The following TPM4 variants were observed in gnomAD, a reference collection of about 807,000 sequenced individuals.
TPM4 encodes tropomyosin 4, also known as tropomyosin alpha-4 chain.
Under a neutral mutation model 35.8 loss-of-function variants are expected in TPM4, and 17 were observed. The observed-to-expected ratio is 0.47, with a 90% CI of 0.32 to 0.71. The LOEUF is 0.71. Among genes scored for constraint, TPM4 ranks in the 30% least tolerant of loss-of-function variants. The pLI is 0.03. For synonymous variants in TPM4, 120 were observed against 122.9 expected (o/e 0.98, Z 0.15); for missense variants, 240 against 320.9 (o/e 0.75, Z 1.93).
chr19:16,081,683 C>G, intron 1 of TPM4: 1 of 368,258 alleles, frequency 2.7e-6, no homozygotes, highest in Non-Finnish European at 4.7e-6. Context: ...CATGAGCCAC[C>G]ACGCTTGGCG....
chr19:16,092,561 G>A (rs1337054652), intron 5 of TPM4, among the ~76,000 whole-genome samples: 5 of 149,976 alleles, frequency 3.3e-5, no homozygotes, highest in African/African-American at 9.8e-5. Flanking sequence ...TTGAGATGGA[G>A]TCTCACTCCA....
chr19:16,078,404 A>T (rs759011235), intron 1 of TPM4, among the ~76,000 whole-genome samples: 1 of 152,204 alleles, frequency 6.6e-6, no homozygotes, highest in Non-Finnish European at 1.5e-5. Context: ...ATGCCCAGCC[A>T]GATGGAATTG....
At chr19:16,084,973 T>C (rs2090530152) in intron 2 of TPM4, among the ~76,000 whole-genome samples, 1 of 152,148 alleles carries the variant, frequency 6.6e-6, no homozygotes, top group Non-Finnish European at 1.5e-5. Context: ...ACACAAGGTC[T>C]TGGCAGGGTG....
Position 16,088,053 on chromosome 19 carries a change from G to T in TPM4, c.411G>T (p.Glu137Asp). 1.2e-6 allele frequency: 2 copies of T among 1,612,610 alleles called. No homozygotes were observed. Among genetic ancestry groups the T allele is most frequent in the Non-Finnish European group, 1.7e-6 (2 of 1,179,624 alleles). ...EEVARKLVIL[E>D]GELERAEERA... ...TAGCTCGTAAGCTGGTCATCCTGGA[G>T]GGTGAGCTGGAGAGGGCAGAGGAGC... Residue 137 changes from glutamate to aspartate, a missense_variant, in exon 4 of 8, where the codon GAG (glutamate) becomes GAT (aspartate). Coordinates refer to ENST00000643579, the MANE Select transcript of TPM4 (RefSeq NM_003290.3).
At chr19:16,098,418 G>T (rs935393262) in intron 7 of TPM4, among the ~76,000 whole-genome samples, 36 of 152,002 alleles carry the variant, frequency 2.4e-4, no homozygotes, top group African/African-American at 8.7e-4. Context: ...TTGTACTCCA[G>T]CCTGGGCGAC....
chr19:16,098,966 G>A (rs1018367824), intron 7 of TPM4, among the ~76,000 whole-genome samples: 4 of 152,086 alleles, frequency 2.6e-5, no homozygotes, highest in East Asian at 1.9e-4. Context: ...AAACTGGCTC[G>A]TCCAACATAG....
intron 4 of TPM4, 117 bp downstream of exon 4, chr19:16,088,214 C>T: frequency 3.4e-6 from 5 of 1,461,164 alleles, no homozygotes; most frequent in Non-Finnish European, 4.7e-6. Flanking sequence ...GGACGGGCGT[C>T]AGGGGCTCAT....
In TPM4 at chr19:16,101,436, T is replaced by C; in HGVS notation, c.*90T>C. The C allele has an allele frequency of 1.0e-6, 1 of 959,160 alleles. No individual in the cohort carries two copies. The highest frequency in any genetic ancestry group is 3.4e-5 in the Admixed American group (1 of 29,430). The allele number at this position is 959,160 out of a possible 1,614,324, so 59.4% of individuals were successfully genotyped here. On this transcript the variant is annotated 3_prime_UTR_variant, in exon 8 of 8. Transcript: ENST00000643579. ...TAAGAAGTTCCTTTTGTTATTGCCATCTTCGCTTTGCTGGAAATGTCAAGC... is the reference window on the plus strand; with the variant it reads ...TAAGAAGTTCCTTTTGTTATTGCCACCTTCGCTTTGCTGGAAATGTCAAGC...
intron 1 of TPM4, 160 bp from the exon 2 acceptor site, chr19:16,081,753 A>G: frequency 1.1e-6 from 1 of 921,292 alleles, no homozygotes; most frequent in East Asian, 2.7e-5. Flanking sequence ...CGGGAAGATC[A>G]TACTGAAATT....
chr19:16,078,652 C>T (rs1428052173), intron 1 of TPM4, among the ~76,000 whole-genome samples: 1 of 152,160 alleles, frequency 6.6e-6, no homozygotes, highest in Non-Finnish European at 1.5e-5. Flanking sequence ...AAATGGCCCT[C>T]AGCCTGGAGC....
upstream of TPM4, among the ~76,000 whole-genome samples, chr19:16,072,064 C>A (rs1236205023): frequency 1.3e-5 from 2 of 152,250 alleles, no homozygotes; most frequent in African/African-American, 4.8e-5. Context: ...TCGTGATCCG[C>A]CCGCCTCGGC....
At chr19:16,084,192 G>T (rs887824192) in intron 2 of TPM4, among the ~76,000 whole-genome samples, 14 of 152,130 alleles carry the variant, frequency 9.2e-5, no homozygotes, top group Non-Finnish European at 1.3e-4. Context: ...CTCCCAAAGT[G>T]CTGGCACGCC....
chr19:16,072,630 G>A (rs1278364160), upstream of TPM4, among the ~76,000 whole-genome samples: 4 of 152,152 alleles, frequency 2.6e-5, no homozygotes, highest in African/African-American at 9.7e-5. Flanking sequence ...TTTGTAACAC[G>A]CCCTGGCCAG....
chr19:16,102,397 C>T lies in TPM4; in HGVS notation c.*1051C>T. On this transcript the variant is annotated 3_prime_UTR_variant, in exon 8 of 8. Coordinates refer to ENST00000643579, the MANE Select transcript of TPM4 (RefSeq NM_003290.3). ...AGCAAATGTCTCATTCCAGTAATGA[C>T]CCACTCAGCAGGAATATGGTGGAGT... 1 of 218,260 alleles carries T rather than the reference C, an allele frequency of 4.6e-6. No homozygotes were observed. Among genetic ancestry groups the T allele is most frequent in the Non-Finnish European group, 9.2e-6 (1 of 108,298 alleles). 13.5% of individuals were successfully genotyped at this position (218,260 alleles called of 1,614,324 possible).
chr19:16,077,647 C>T (rs1310088212), intron 1 of TPM4, among the ~76,000 whole-genome samples: 1 of 152,194 alleles, frequency 6.6e-6, no homozygotes, highest in Non-Finnish European at 1.5e-5. Flanking sequence ...AGCTTTTTTC[C>T]CATCTGCGAG....
chr19:16,093,388 G>T, intron 5 of TPM4, 148 bp from the exon 6 acceptor site: 1 of 767,926 alleles, frequency 1.3e-6, no homozygotes, highest in South Asian at 1.7e-5. Flanking sequence ...TAGAGACGGG[G>T]TTTCACCATG....
Position 16,082,827 on chromosome 19 carries a change from A to C in TPM4, c.266+781A>C, listed in dbSNP as rs139911695. 5.9e-3 allele frequency among the ~76,000 whole-genome samples: 902 copies of C among 152,038 alleles called. 8 individuals are homozygous for C. The highest frequency in any genetic ancestry group is 0.02 in the African/African-American group (840 of 41,468). On this transcript the variant is annotated intron_variant, in intron 2 of 7. Coordinates refer to ENST00000643579, the MANE Select transcript of TPM4 (RefSeq NM_003290.3). Reference sequence around the variant, plus strand: ...GGCAATGTGGTGAGACCCTGTCTCTACAAAAAATACAAAAATTAGCCGGGT... The same window carrying C: ...GGCAATGTGGTGAGACCCTGTCTCTCCAAAAAATACAAAAATTAGCCGGGT...
intron 7 of TPM4, among the ~76,000 whole-genome samples, chr19:16,098,486 G>T (rs2090727035): frequency 6.6e-6 from 1 of 152,138 alleles, no homozygotes; most frequent in African/African-American, 2.4e-5. Flanking sequence ...TAGCACTATG[G>T]AGGTCTACAC....
upstream of TPM4, chr19:16,076,347 G>C: frequency 2.0e-6 from 3 of 1,468,442 alleles, no homozygotes; most frequent in Non-Finnish European, 2.7e-6. Context: ...GTGGCCAGCG[G>C]TGCCGACGTC....
Sources: allele counts gnomAD v4.1 joint callset (sites outside exome capture counted in the v4.1 genomes callset), GRCh38; gene constraint gnomAD v4.1.1; transcripts MANE v1.5; gene names NCBI Gene and HGNC (gene_info 2026-07-23, HGNC 2026-07-21).